The following RTN3 variants were observed in gnomAD, a reference collection of about 807,000 sequenced individuals.
The protein encoded by RTN3 is reticulon 3.
A neutral mutation model predicts 77.8 loss-of-function variants in RTN3; 49 were observed. That is an observed-to-expected ratio of 0.63 (90% confidence interval 0.50 to 0.80). RTN3 has a LOEUF of 0.80. Among genes scored for constraint, RTN3 ranks in the 30% least tolerant of loss-of-function variants. The probability of loss-of-function intolerance (pLI) is 0.00; values close to 1 mark genes in which losing one functional copy is unlikely to be tolerated. For missense variants in RTN3, 1,236 were observed against 1,211.9 expected, an observed-to-expected ratio of 1.02 and a Z score of -0.29; for synonymous variants, 464 against 446.9, an observed-to-expected ratio of 1.04 and a Z score of -0.48.
Position 63,753,099 on chromosome 11 carries a change from G to A in RTN3, c.2908G>A (p.Val970Ile). Residue 970 changes from valine (V) to isoleucine (I), a missense_variant, in exon 6 of 9, where the codon GTT becomes ATT. By Grantham distance (29) the Val-to-Ile change is conservative. Coordinates refer to ENST00000377819, the MANE Select transcript of RTN3 (RefSeq NM_001265589.2). ...LAVFMWLMTY[V>I]GAVFNGITLL... is the part of the protein sequence containing the mutation. ...TGTCTTCATGTGGCTGATGACCTAT[G>A]TTGGTGCTGTTTTTAACGGAATCAC... 2 of 1,614,186 alleles carry A rather than the reference G, an allele frequency of 1.2e-6. No homozygotes were observed. The highest frequency in any genetic ancestry group is 1.1e-5 in the South Asian group (1 of 91,088).
intron 2 of RTN3, among the ~76,000 whole-genome samples, chr11:63,708,397 C>CAA (rs1942598189): frequency 6.6e-6 from 1 of 151,938 alleles, no homozygotes. Context: ...CTCCTGAGCA[C>CAA]AAGCGGTCCT....
intron 3 of RTN3, among the ~76,000 whole-genome samples, chr11:63,740,987 CAG>C (rs1395940360): frequency 2.0e-5 from 3 of 151,968 alleles, no homozygotes; most frequent in Admixed American, 2.0e-4. Flanking sequence ...ACCCGATGCA[CAG>C]AGAGATTGAG....
chr11:63,747,474 G>A lies in RTN3; in HGVS notation c.2531-2517G>A, dbSNP rs542341064. On this transcript the variant is annotated intron_variant, in intron 3 of 8. Coordinates refer to ENST00000377819, the MANE Select transcript of RTN3 (RefSeq NM_001265589.2). ...TGCAGCATCACTATCTGGGACTCTC[G>A]GGTTCCCATCAGGAGTCATAATACC... Among the ~76,000 whole-genome samples the A allele has an allele frequency of 2.6e-5, 4 of 152,232 alleles. No individual in the cohort carries two copies. The East Asian group carries it at 5.8e-4, about 22-fold the overall frequency.
chr11:63,704,939 A>G, intron 2 of RTN3, 32 bp downstream of exon 2: 1 of 1,531,564 alleles, frequency 6.5e-7, no homozygotes, highest in Non-Finnish European at 9.0e-7. Flanking sequence ...GTGCATTGGT[A>G]AAAGAAAAAT....
intron 1 of RTN3, among the ~76,000 whole-genome samples, chr11:63,688,952 A>G (rs150708465): frequency 2.6e-5 from 4 of 152,326 alleles, no homozygotes; most frequent in South Asian, 4.1e-4. Context: ...CTCTTTACCC[A>G]TAATCCTAGA....
At chr11:63,696,590 C>T (rs1323744831) in intron 1 of RTN3, among the ~76,000 whole-genome samples, 3 of 139,224 alleles carry the variant, frequency 2.2e-5, no homozygotes, top group African/African-American at 7.9e-5. Flanking sequence ...CTGTTGCCCA[C>T]GTTGGAGTAC....
intron 1 of RTN3, among the ~76,000 whole-genome samples, chr11:63,703,393 T>A (rs952194367): frequency 1.3e-5 from 2 of 151,298 alleles, no homozygotes; most frequent in East Asian, 1.9e-4. Context: ...CATGTAACTT[T>A]AAAAAAAAAT....
intron 1 of RTN3, 143 bp from the exon 2 acceptor site, chr11:63,704,707 AT>A (rs1326792044): frequency 3.6e-6 from 2 of 551,738 alleles, no homozygotes; most frequent in African/African-American, 1.9e-5. Context: ...GAAAACAATA[AT>A]TGGAAATAAA....
At chr11:63,744,310 T>C (rs2013672480) in intron 3 of RTN3, among the ~76,000 whole-genome samples, 1 of 151,496 alleles carries the variant, frequency 6.6e-6, no homozygotes, top group South Asian at 2.1e-4. Flanking sequence ...ATAAATAATT[T>C]CCTGTTTTAA....
intron 1 of RTN3, among the ~76,000 whole-genome samples, chr11:63,697,096 A>T (rs12283281): frequency 0.012 from 1,792 of 149,354 alleles, 38 homozygotes; most frequent in African/African-American, 0.042. Context: ...ATGTTAGCCA[A>T]GGTGGTCTTG....
intron 7 of RTN3, among the ~76,000 whole-genome samples, chr11:63,754,109 G>T (rs1032484651): frequency 2.8e-4 from 42 of 152,144 alleles, no homozygotes; most frequent in African/African-American, 9.4e-4. Context: ...GGGCAACCTG[G>T]CAAAACCTTG....
chr11:63,751,140 G>A (rs145315965), intron 4 of RTN3, among the ~76,000 whole-genome samples: 5 of 152,322 alleles, frequency 3.3e-5, no homozygotes, highest in African/African-American at 7.2e-5. Flanking sequence ...TCATGCATGG[G>A]ATTACTATGC....
intron 3 of RTN3, among the ~76,000 whole-genome samples, chr11:63,736,363 G>A (rs555282917): frequency 6.6e-6 from 1 of 152,010 alleles, no homozygotes; most frequent in Non-Finnish European, 1.5e-5. Flanking sequence ...AACCAACCTC[G>A]GATTGAAAAT....
chr11:63,757,732 T>C (rs1359856168), intron 8 of RTN3, among the ~76,000 whole-genome samples: 2 of 149,578 alleles, frequency 1.3e-5, no homozygotes, highest in Non-Finnish European at 3.0e-5. Context: ...CTTTTTTTTT[T>C]TTTTTTTGAG....
intron 3 of RTN3, among the ~76,000 whole-genome samples, chr11:63,734,780 CA>C (rs748716845): frequency 0.24 from 29,652 of 124,826 alleles, 3,191 homozygotes; most frequent in Admixed American, 0.28. Context: ...CACACACACA[CA>C]CCATACTGGA....
chr11:63,752,800 G>GTA (rs765788144), intron 5 of RTN3, among the ~76,000 whole-genome samples, 155 bp downstream of exon 5: 83 of 152,264 alleles, frequency 5.5e-4, no homozygotes, highest in Non-Finnish European at 9.8e-4. Context: ...CTAGAGAAAG[G>GTA]TATAGCCTTC....
At chr11:63,745,936 G>A (rs1201540057) in intron 3 of RTN3, among the ~76,000 whole-genome samples, 6 of 152,116 alleles carry the variant, frequency 3.9e-5, no homozygotes, top group Admixed American at 6.5e-5. Context: ...TCAACCTTCC[G>A]AGTAGCTGGG....
At chr11:63,751,324 C>CA (rs1391301443) in intron 4 of RTN3, among the ~76,000 whole-genome samples, 1 of 152,196 alleles carries the variant, frequency 6.6e-6, no homozygotes, top group African/African-American at 2.4e-5. Context: ...TACCAGAACT[C>CA]AGTGTTTTCA....
At chr11:63,717,546 C>G (rs993532453) in intron 2 of RTN3, among the ~76,000 whole-genome samples, 2 of 151,554 alleles carry the variant, frequency 1.3e-5, no homozygotes, top group African/African-American at 2.4e-5. Flanking sequence ...TGCCACCACG[C>G]CCGGCTAATT....
Sources: allele counts gnomAD v4.1 joint callset (sites outside exome capture counted in the v4.1 genomes callset), GRCh38; gene constraint gnomAD v4.1.1; transcripts MANE v1.5; gene names NCBI Gene and HGNC (gene_info 2026-07-23, HGNC 2026-07-21).